The following MDGA2 variants were observed in gnomAD, a reference collection of about 807,000 sequenced individuals.
The protein encoded by MDGA2 is MAM domain-containing glycosylphosphatidylinositol anchor protein 2.
In MDGA2, 40 loss-of-function variants were observed where a neutral mutation model predicts 117.8. The ratio of observed to expected loss-of-function variants is 0.34; its 90% confidence interval spans 0.26 to 0.44. The LOEUF (loss-of-function observed/expected upper bound fraction) is 0.44, where lower values mean the gene tolerates loss of function less well. Ranked by LOEUF, MDGA2 falls within the 20% of genes least tolerant of loss-of-function variation. The probability of loss-of-function intolerance (pLI) is 1.00; values close to 1 mark genes in which losing one functional copy is unlikely to be tolerated. For synonymous variants in MDGA2, 452 were observed against 439.0 expected, an observed-to-expected ratio of 1.03 and a Z score of -0.37; for missense variants, 1,123 against 1,250.6, an observed-to-expected ratio of 0.90 and a Z score of 1.54.
chr14:47,001,992 A>C (rs1887546705), intron 8 of MDGA2, among the ~76,000 whole-genome samples: 1 of 152,164 alleles, frequency 6.6e-6, no homozygotes, highest in African/African-American at 2.4e-5. Context: ...ATATTTTTAA[A>C]GGCAAAATAT....
chr14:47,600,859 G>A (rs971801536), intron 1 of MDGA2, among the ~76,000 whole-genome samples: 5 of 152,130 alleles, frequency 3.3e-5, no homozygotes, highest in Non-Finnish European at 7.3e-5. Flanking sequence ...ATGTTAGCCA[G>A]TAGGTTTCCC....
intron 1 of MDGA2, among the ~76,000 whole-genome samples, chr14:47,472,213 C>T (rs1034856926): frequency 6.6e-6 from 1 of 152,130 alleles, no homozygotes; most frequent in Non-Finnish European, 1.5e-5. Context: ...TGGTCATATT[C>T]ATAGTATATA....
At chr14:47,665,806 GCCCCCCCTCC>G (rs1897939773) in intron 1 of MDGA2, among the ~76,000 whole-genome samples, 1 of 17,712 alleles carries the variant, frequency 5.6e-5, no homozygotes, top group Non-Finnish European at 1.3e-4. Context: ...CCCCTCCCTC[GCCCCCCCTCC>G]CCCCCGCCCC....
intron 1 of MDGA2, among the ~76,000 whole-genome samples, chr14:47,532,015 T>A (rs1218423143): frequency 6.6e-6 from 1 of 152,164 alleles, no homozygotes; most frequent in Non-Finnish European, 1.5e-5. Flanking sequence ...AACCACCACA[T>A]CTAGATTCTC....
chr14:47,508,352 A>ACTCTCTCT (rs3039658), intron 1 of MDGA2, among the ~76,000 whole-genome samples: 6,107 of 132,726 alleles, frequency 0.046, 278 homozygotes, highest in South Asian at 0.13. Flanking sequence ...TTGCTGATTG[A>ACTCTCTCT]CTCTCTCTCT....
chr14:47,237,523 A>G (rs1886903677), intron 2 of MDGA2, among the ~76,000 whole-genome samples: 1 of 152,184 alleles, frequency 6.6e-6, no homozygotes, highest in Admixed American at 6.5e-5. Flanking sequence ...AACAATCAAG[A>G]TATTCTTTCT....
intron 1 of MDGA2, among the ~76,000 whole-genome samples, chr14:47,651,094 T>C (rs551049541): frequency 6.6e-6 from 1 of 152,268 alleles, no homozygotes; most frequent in East Asian, 1.9e-4. Flanking sequence ...AACTTAACTG[T>C]CATTTATGTT....
At chr14:47,098,577 C>A (rs1880118618) in intron 5 of MDGA2, among the ~76,000 whole-genome samples, 1 of 151,522 alleles carries the variant, frequency 6.6e-6, no homozygotes, top group Non-Finnish European at 1.5e-5. Flanking sequence ...TGATGGAGGA[C>A]AGTACTAATT....
intron 1 of MDGA2, among the ~76,000 whole-genome samples, chr14:47,620,612 A>G (rs1046914513): frequency 2.0e-5 from 3 of 152,212 alleles, no homozygotes; most frequent in Admixed American, 6.5e-5. Flanking sequence ...GTCTATTCCA[A>G]TTTCCAAATT....
chr14:47,201,721 CCTT>C (rs1256972421), intron 3 of MDGA2, among the ~76,000 whole-genome samples: 1 of 152,180 alleles, frequency 6.6e-6, no homozygotes, highest in Non-Finnish European at 1.5e-5. Context: ...TTTTCTATTT[CCTT>C]CTTGTCTACC....
At chr14:47,612,254 A>AGATAGATC (rs1555336314) in intron 1 of MDGA2, among the ~76,000 whole-genome samples, 12 of 151,288 alleles carry the variant, frequency 7.9e-5, no homozygotes, top group Middle Eastern at 3.2e-3. Flanking sequence ...ATAGATAGAT[A>AGATAGATC]GATCTTCTGT....
chr14:46,955,483 C>A (rs2138624630), intron 9 of MDGA2, among the ~76,000 whole-genome samples: 1 of 152,200 alleles, frequency 6.6e-6, no homozygotes, highest in South Asian at 2.1e-4. Flanking sequence ...TAATATACTA[C>A]AAGCTAGGCT....
intron 2 of MDGA2, among the ~76,000 whole-genome samples, chr14:47,294,731 G>GA (rs1380345336): frequency 6.6e-6 from 1 of 151,876 alleles, no homozygotes; most frequent in South Asian, 2.1e-4. Flanking sequence ...GACTAAATCA[G>GA]AAAAAAGTAT....
intron 7 of MDGA2, chr14:47,058,903 C>T (rs1455927276): frequency 6.1e-6 from 6 of 977,464 alleles, no homozygotes; most frequent in Non-Finnish European, 7.3e-6. Context: ...TGCTTTAATG[C>T]TTTGATGTTG....
At position 46,979,584 on chromosome 14, in the gene MDGA2, G is replaced by A. The variant is rs117278273; in HGVS notation, c.1820-21941C>T. ...CAGGGAACACAAAAATGATAAAAAG[G>A]CAAAGCAACTTTATTGCTGATATGG... On this transcript the variant is annotated intron_variant, in intron 8 of 16. Coordinates refer to ENST00000399232, the MANE Select transcript of MDGA2 (RefSeq NM_001113498.3). 4.2e-3 allele frequency among the ~76,000 whole-genome samples: 637 copies of A among 152,220 alleles called. 3 individuals carry two copies. The highest frequency in any genetic ancestry group is 3.6e-3 in the Non-Finnish European group (247 of 68,004).
intron 1 of MDGA2, among the ~76,000 whole-genome samples, chr14:47,613,780 T>C (rs113846769): frequency 7.2e-5 from 11 of 152,280 alleles, no homozygotes; most frequent in African/African-American, 2.2e-4. Flanking sequence ...TGGTTAACTT[T>C]TCATGTCACA....
intron 8 of MDGA2, among the ~76,000 whole-genome samples, chr14:47,030,472 C>A (rs2138627383): frequency 6.6e-6 from 1 of 151,968 alleles, no homozygotes; most frequent in East Asian, 2.0e-4. Context: ...TGGGATCACG[C>A]CACTGCACCC....
Position 46,877,494 on chromosome 14 carries a change from T to C in MDGA2, c.2432A>G (p.His811Arg). The change falls in exon 12 of 17, where the codon CAT (histidine) becomes CGT (arginine). Residue 811 changes from histidine (H) to arginine (R), a missense_variant. Around this residue, in one of 2 missense-constraint regions of MDGA2, gnomAD observed 890 missense variants for 1,050.3 expected, o/e 0.85. Coordinates refer to ENST00000399232, the MANE Select transcript of MDGA2 (RefSeq NM_001113498.3). Reference protein sequence around the residue: ...VIKYSAPVNPHLREFHCGFED... With the variant: ...VIKYSAPVNPRLREFHCGFED... ...GTAAGTTAAAATATACTTACTCAAA[T>C]GAGGATTTACAGGAGCTACAAGAAA... The C allele has an allele frequency of 6.6e-7, 1 of 1,503,844 alleles. No homozygotes were observed. The highest frequency in any genetic ancestry group is 9.1e-7 in the Non-Finnish European group (1 of 1,098,548). 93.2% of individuals were successfully genotyped at this position (1,503,844 alleles called of 1,614,324 possible).
At chr14:47,085,325 A>G (rs1890857947) in intron 6 of MDGA2, among the ~76,000 whole-genome samples, 1 of 152,158 alleles carries the variant, frequency 6.6e-6, no homozygotes, top group Admixed American at 6.6e-5. Context: ...ATAATAGAAA[A>G]CACATGTACA....
Sources: allele counts gnomAD v4.1 joint callset (sites outside exome capture counted in the v4.1 genomes callset), GRCh38; gene constraint gnomAD v4.1.1; regional missense constraint gnomAD v4.1.1; transcripts MANE v1.5; gene names NCBI Gene and HGNC (gene_info 2026-07-23, HGNC 2026-07-21).